DAB1: variants seen among roughly 807,000 people sequenced by gnomAD.
DAB1 encodes DAB adaptor protein 1.
Under a neutral mutation model 64.6 loss-of-function variants are expected in DAB1, and 15 were observed. The ratio of observed to expected loss-of-function variants is 0.23; its 90% CI spans 0.16 to 0.36. The LOEUF is 0.36. Among genes scored for constraint, DAB1 ranks in the 10% least tolerant of loss-of-function variants. The pLI is 1.00. For synonymous variants in DAB1, 235 were observed against 251.9 expected (o/e 0.93, Z 0.64); for missense variants, 596 against 706.7 (o/e 0.84, Z 1.78).
chr1:58,120,330 C>G (rs1361611947), intron 5 of DAB1, among the ~76,000 whole-genome samples: 1 of 152,182 alleles, frequency 6.6e-6, no homozygotes, highest in African/African-American at 2.4e-5. Context: ...TAAGCCCCCT[C>G]TCAGTGCTCC....
intron 3 of DAB1, among the ~76,000 whole-genome samples, chr1:58,418,493 T>C (rs1465621242): frequency 1.3e-5 from 2 of 152,130 alleles, no homozygotes; most frequent in Non-Finnish European, 2.9e-5. Flanking sequence ...ATGTATGCAT[T>C]CATTCATTTA....
At chr1:57,851,907 C>T (rs141511856) in intron 1 of DAB1, among the ~76,000 whole-genome samples, 1 of 152,282 alleles carries the variant, frequency 6.6e-6, no homozygotes, top group Non-Finnish European at 1.5e-5. Flanking sequence ...ATGTTGTCTC[C>T]TACTCTGAGG....
chr1:57,223,522 C>G (rs1202371101), intron 2 of DAB1, among the ~76,000 whole-genome samples: 2 of 152,172 alleles, frequency 1.3e-5, no homozygotes, highest in Non-Finnish European at 2.9e-5. Flanking sequence ...GGTCCCTATG[C>G]TCAGCAGAGC....
intron 4 of DAB1, among the ~76,000 whole-genome samples, chr1:58,225,647 T>C (rs571182971): frequency 0.011 from 1,651 of 151,782 alleles, 37 homozygotes; most frequent in African/African-American, 0.038. Context: ...AAAGGATGAG[T>C]TCATATCCTT....
At chr1:57,000,162 G>A (rs957325757) in intron 14 of DAB1, among the ~76,000 whole-genome samples, 9 of 150,094 alleles carry the variant, frequency 6.0e-5, no homozygotes, top group African/African-American at 2.2e-4. Context: ...TCCTGCCTCA[G>A]CCTCCCGTGT....
intron 2 of DAB1, among the ~76,000 whole-genome samples, chr1:57,148,935 C>A (rs1365059600): frequency 6.6e-6 from 1 of 152,132 alleles, no homozygotes; most frequent in Non-Finnish European, 1.5e-5. Flanking sequence ...TAACCATCAC[C>A]ACTATCTAAT....
intron 1 of DAB1, among the ~76,000 whole-genome samples, chr1:57,858,060 C>T (rs1225085846): frequency 6.6e-6 from 1 of 152,002 alleles, no homozygotes; most frequent in Non-Finnish European, 1.5e-5. Flanking sequence ...TTAATTATGT[C>T]ACTTTTCAAA....
chr1:57,915,159 A>G (rs1322430681), intron 5 of DAB1, among the ~76,000 whole-genome samples: 1 of 86,826 alleles, frequency 1.2e-5, no homozygotes, highest in East Asian at 3.4e-4. Context: ...CTGGAAGGAA[A>G]TACCCGGAAG....
chr1:58,123,723 T>C (rs1652885715), intron 5 of DAB1, among the ~76,000 whole-genome samples: 1 of 152,304 alleles, frequency 6.6e-6, no homozygotes, highest in Non-Finnish European at 1.5e-5. Flanking sequence ...TCCCATCTGG[T>C]AAATGAAGAA....
chr1:57,659,435 T>C (rs1471784692), intron 6 of DAB1, among the ~76,000 whole-genome samples: 2 of 152,220 alleles, frequency 1.3e-5, no homozygotes, highest in East Asian at 3.9e-4. Context: ...CAAATCATGC[T>C]GCCTTATAGG....
intron 3 of DAB1, among the ~76,000 whole-genome samples, chr1:58,444,696 T>C (rs1206606250): frequency 6.6e-6 from 1 of 152,214 alleles, no homozygotes; most frequent in Admixed American, 6.5e-5. Flanking sequence ...AATCACCTGG[T>C]CATGCCTGAG....
At chr1:57,422,105 C>T (rs1053972934) in intron 1 of DAB1, among the ~76,000 whole-genome samples, 2 of 152,132 alleles carry the variant, frequency 1.3e-5, no homozygotes, top group African/African-American at 4.8e-5. Flanking sequence ...ATAAATGTAC[C>T]AACGTGAACT....
At chr1:58,090,758 C>T (rs1650604264) in intron 5 of DAB1, among the ~76,000 whole-genome samples, 1 of 152,148 alleles carries the variant, frequency 6.6e-6, no homozygotes, top group Non-Finnish European at 1.5e-5. Flanking sequence ...CAGACACAGC[C>T]CAGTACAGAG....
chr1:58,321,253 T>G (rs1662674889), intron 4 of DAB1, among the ~76,000 whole-genome samples: 1 of 152,258 alleles, frequency 6.6e-6, no homozygotes, highest in Non-Finnish European at 1.5e-5. Context: ...ACTTCCTTCC[T>G]CTTTATGCTG....
chr1:57,724,687 C>G (rs1399385809), intron 6 of DAB1, among the ~76,000 whole-genome samples: 1 of 152,148 alleles, frequency 6.6e-6, no homozygotes, highest in Non-Finnish European at 1.5e-5. Context: ...GTCTGAGCTC[C>G]CATCCTAAGA....
intron 7 of DAB1, among the ~76,000 whole-genome samples, chr1:57,524,804 C>T (rs145161014): frequency 7.4e-4 from 113 of 152,230 alleles, no homozygotes; most frequent in Non-Finnish European, 1.4e-3. Flanking sequence ...TGGATGTATA[C>T]GTGCAAGTCA....
intron 3 of DAB1, among the ~76,000 whole-genome samples, chr1:58,474,472 T>A (rs116831138): frequency 6.6e-6 from 1 of 152,158 alleles, no homozygotes; most frequent in Non-Finnish European, 1.5e-5. Flanking sequence ...TTCATTGTGA[T>A]AAGCTCAGGT....
At chr1:58,545,193 CTA>C (rs1431882573) in intron 1 of DAB1, among the ~76,000 whole-genome samples, 13 of 152,172 alleles carry the variant, frequency 8.5e-5, no homozygotes, top group Admixed American at 5.9e-4. Flanking sequence ...GCTCTCATCT[CTA>C]TGTCTATGCA....
At chr1:57,715,222 T>C (rs1248429417) in intron 6 of DAB1, among the ~76,000 whole-genome samples, 3 of 152,190 alleles carry the variant, frequency 2.0e-5, no homozygotes, top group Non-Finnish European at 2.9e-5. Context: ...TTGGTAGAAT[T>C]CAGCATTGCA....
Sources: gnomAD v4.1 joint callset for allele counts (sites outside exome capture counted in the v4.1 genomes callset) on GRCh38, gnomAD v4.1.1 for gene constraint, MANE v1.5 for transcripts, NCBI Gene and HGNC (gene_info 2026-07-23, HGNC 2026-07-21) for gene names.